The following MYO1H variants were observed in gnomAD, a reference collection of about 807,000 sequenced individuals.
MYO1H encodes the protein unconventional myosin-Ih.
In MYO1H, 118 loss-of-function variants were observed where a neutral mutation model predicts 149.3. The observed-to-expected ratio is 0.79, with a 90% confidence interval of 0.68 to 0.92. MYO1H has a LOEUF of 0.92. Ranked by LOEUF, MYO1H falls within the 40% of genes least tolerant of loss-of-function variation. The pLI, the probability that MYO1H is intolerant of heterozygous loss-of-function variation, is 0.00. For missense variants in MYO1H, 1,212 were observed against 1,280.7 expected (o/e 0.95, Z 0.82); for synonymous variants, 447 against 465.2 (o/e 0.96, Z 0.50).
intron 1 of MYO1H, among the ~76,000 whole-genome samples, chr12:109,384,714 A>G (rs905751504): frequency 6.6e-6 from 1 of 152,174 alleles, no homozygotes; most frequent in Non-Finnish European, 1.5e-5. Flanking sequence ...TTAATCTACA[A>G]GGTTTTGTCA....
At position 109,351,527 on chromosome 12, in the gene MYO1H, G is replaced by A. The variant is rs1868460712; in HGVS notation, c.12+3555G>A. 2.0e-5 allele frequency among the ~76,000 whole-genome samples: 3 copies of A among 152,196 alleles called. No individual in the cohort carries two copies. The South Asian group carries it at 6.2e-4, about 32-fold the overall frequency. ...AGATTAGACATTGTGTCCAGAACTG[G>A]TGCCTTGTTCACTGCTCCTGTAATT... On this transcript the variant is annotated intron_variant, in intron 1 of 31. Transcript: ENST00000310903.
intron 19 of MYO1H, among the ~76,000 whole-genome samples, chr12:109,428,964 T>C (rs1401467259): frequency 2.0e-5 from 3 of 152,184 alleles, no homozygotes; most frequent in Non-Finnish European, 4.4e-5. Context: ...ATTCCAGCAC[T>C]TGGGGAGGCC....
chr12:109,388,659 T>G lies in MYO1H; in HGVS notation c.13-24T>G, dbSNP rs941547149. ...AGATATTACCAAATAGATGAGCTGCTGAAGAATGTTCTATTTCCCGTAGAA... is the reference window on the plus strand; with the variant it reads ...AGATATTACCAAATAGATGAGCTGCGGAAGAATGTTCTATTTCCCGTAGAA... On this transcript the variant is annotated intron_variant, in intron 1 of 31. Coordinates refer to ENST00000310903, the Ensembl canonical transcript of MYO1H. The G allele has an allele frequency of 3.3e-6, 5 of 1,527,292 alleles. No individual in the cohort carries two copies. The African/African-American group carries it at 4.1e-5, about 13-fold the overall frequency. 94.6% of individuals were successfully genotyped at this position (1,527,292 alleles called of 1,614,324 possible). A position where few individuals can be genotyped will look rare whatever the true frequency, so the allele number is the denominator to read the frequency against.
At chr12:109,417,160 G>T (rs1253545222) in intron 15 of MYO1H, among the ~76,000 whole-genome samples, 1 of 152,092 alleles carries the variant, frequency 6.6e-6, no homozygotes, top group African/African-American at 2.4e-5. Flanking sequence ...GACAGAGCAA[G>T]ACTTCATCTC....
chr12:109,319,526 A>G, the MYO1H span, among the ~76,000 whole-genome samples: 2 of 152,160 alleles, frequency 1.3e-5, no homozygotes, highest in African/African-American at 4.8e-5. Context: ...ACACTAATGA[A>G]CTGTACACTT....
chr12:109,417,248 C>T (rs1430970687), intron 15 of MYO1H, among the ~76,000 whole-genome samples: 1 of 152,156 alleles, frequency 6.6e-6, no homozygotes, highest in Non-Finnish European at 1.5e-5. Flanking sequence ...GCAGCTGCAC[C>T]GTTTTACATT....
intron 1 of MYO1H, among the ~76,000 whole-genome samples, chr12:109,367,913 G>T (rs1285726693): frequency 6.6e-6 from 1 of 151,946 alleles, no homozygotes; most frequent in African/African-American, 2.4e-5. Flanking sequence ...GAGTGCAGTG[G>T]CACAATCATG....
chr12:109,442,346 T>C (rs760486871), intron 27 of MYO1H, 74 bp downstream of exon 27: 1 of 1,317,632 alleles, frequency 7.6e-7, no homozygotes, highest in Admixed American at 1.7e-5. Flanking sequence ...CCTTTCTCCA[T>C]AAAGGGCGCA....
chr12:109,384,328 TC>T (rs1159571412), intron 1 of MYO1H, among the ~76,000 whole-genome samples: 2 of 152,228 alleles, frequency 1.3e-5, no homozygotes, highest in East Asian at 3.8e-4. Context: ...AAGATGGAGT[TC>T]TTTCTTAGAT....
intron 1 of MYO1H, among the ~76,000 whole-genome samples, chr12:109,361,671 G>GGT (rs939759894): frequency 2.0e-4 from 30 of 151,736 alleles, no homozygotes; most frequent in African/African-American, 6.3e-4. Flanking sequence ...AGCCAGGTGA[G>GGT]GTGGGACATG....
intron 15 of MYO1H, among the ~76,000 whole-genome samples, chr12:109,418,696 C>CCACTA (rs10631374): frequency 3.9e-5 from 6 of 151,986 alleles, no homozygotes; most frequent in African/African-American, 1.4e-4. Flanking sequence ...CTACAGGCAC[C>CCACTA]CCACGCCCGG....
At chr12:109,323,306 C>T in the MYO1H span, among the ~76,000 whole-genome samples, 1 of 152,324 alleles carries the variant, frequency 6.6e-6, no homozygotes, top group African/African-American at 2.4e-5. Context: ...TTGTAATACA[C>T]ATTGAAAGAT....
At chr12:109,394,596 AC>A (rs1193919606) in intron 3 of MYO1H, among the ~76,000 whole-genome samples, 194 of 136,428 alleles carry the variant, frequency 1.4e-3, no homozygotes, top group African/African-American at 6.4e-3. Flanking sequence ...AACAATGACT[AC>A]CAAAAAAAAA....
At chr12:109,380,303 C>T (rs193281665) in intron 1 of MYO1H, among the ~76,000 whole-genome samples, 1 of 152,146 alleles carries the variant, frequency 6.6e-6, no homozygotes, top group East Asian at 1.9e-4. Context: ...TATTCCTTGG[C>T]ATCATTAAAT....
chr12:109,382,269 T>G (rs909971490), intron 1 of MYO1H, among the ~76,000 whole-genome samples: 8 of 152,170 alleles, frequency 5.3e-5, no homozygotes, highest in African/African-American at 1.9e-4. Context: ...ACAACCAGTT[T>G]TCAGGAAATG....
At chr12:109,330,448 G>T in the MYO1H span, among the ~76,000 whole-genome samples, 1 of 152,074 alleles carries the variant, frequency 6.6e-6, no homozygotes, top group African/African-American at 2.4e-5. Context: ...CACATGTCTC[G>T]CAAGGTTACT....
At chr12:109,330,528 G>A in the MYO1H span, among the ~76,000 whole-genome samples, 1 of 152,128 alleles carries the variant, frequency 6.6e-6, no homozygotes, top group Non-Finnish European at 1.5e-5. Context: ...GGCTTCGTAA[G>A]CTTGAGTGAC....
At chr12:109,338,765 CAAAA>C in the MYO1H span, among the ~76,000 whole-genome samples, 1,819 of 87,192 alleles carry the variant, frequency 0.021, 16 homozygotes, top group African/African-American at 0.039. Flanking sequence ...GACTCCATCT[CAAAA>C]AAAAAAAAAA....
chr12:109,434,293 A>C (rs1011825913), intron 20 of MYO1H, among the ~76,000 whole-genome samples: 1 of 151,748 alleles, frequency 6.6e-6, no homozygotes, highest in Admixed American at 6.6e-5. Flanking sequence ...TGCAGGCGTG[A>C]GCCACCGCGC....
Sources: gnomAD v4.1 joint callset for allele counts (sites outside exome capture counted in the v4.1 genomes callset) on GRCh38, gnomAD v4.1.1 for gene constraint, MANE v1.5 for transcripts, NCBI Gene and HGNC (gene_info 2026-07-23, HGNC 2026-07-21) for gene names.